Variants in PACRG observed in about 807,000 individuals in gnomAD.
PACRG encodes the protein parkin coregulated, also known as parkin coregulated gene protein.
Under a neutral mutation model 29.7 loss-of-function variants are expected in PACRG, and 29 were observed. That is an observed-to-expected ratio of 0.98 (90% CI 0.73 to 1.33). The LOEUF is 1.33. Ranked by LOEUF, PACRG falls within the 40% of genes most tolerant of loss-of-function variation. The probability of loss-of-function intolerance (pLI) is 0.00; values close to 1 mark genes in which losing one functional copy is unlikely to be tolerated. For missense variants in PACRG, 279 were observed against 316.2 expected (o/e 0.88, Z 0.89); for synonymous variants, 116 against 118.7 (o/e 0.98, Z 0.15).
At chr6:163,020,075 G>A (rs552646426) in intron 2 of PACRG, among the ~76,000 whole-genome samples, 1 of 152,312 alleles carries the variant, frequency 6.6e-6, no homozygotes, top group South Asian at 2.1e-4. Flanking sequence ...ATTACTCACA[G>A]ACAAGTTGCC....
chr6:163,069,190 G>A (rs1394612238), intron 3 of PACRG, among the ~76,000 whole-genome samples: 1 of 150,376 alleles, frequency 6.6e-6, no homozygotes, highest in African/African-American at 2.5e-5. Flanking sequence ...AAACAGGATA[G>A]CTATAAATAA....
chr6:162,735,188 T>A (rs1780071333), intron 1 of PACRG, among the ~76,000 whole-genome samples: 1 of 152,216 alleles, frequency 6.6e-6, no homozygotes, highest in African/African-American at 2.4e-5. Flanking sequence ...CTGTTACAAA[T>A]AGCACTGCTA....
chr6:163,301,610 G>A (rs920776200), intron 4 of PACRG, among the ~76,000 whole-genome samples: 10 of 152,150 alleles, frequency 6.6e-5, no homozygotes, highest in African/African-American at 2.2e-4. Flanking sequence ...GCTCCTTTGT[G>A]AGGTTGTAGA....
chr6:163,071,864 C>T (rs1223223985), intron 3 of PACRG, among the ~76,000 whole-genome samples: 5 of 151,496 alleles, frequency 3.3e-5, no homozygotes, highest in Non-Finnish European at 5.9e-5. Context: ...ACATAAAAAC[C>T]TACCTAGGTT....
intron 2 of PACRG, among the ~76,000 whole-genome samples, chr6:162,820,980 T>G (rs1325113578): frequency 6.6e-6 from 1 of 152,144 alleles, no homozygotes; most frequent in African/African-American, 2.4e-5. Context: ...AAAAAAATCC[T>G]CTGGCAATGA....
chr6:162,930,576 CTTTGT>C (rs558522421), intron 2 of PACRG, among the ~76,000 whole-genome samples: 92 of 151,826 alleles, frequency 6.1e-4, no homozygotes, highest in African/African-American at 2.1e-3. Flanking sequence ...TTTGGATGCC[CTTTGT>C]TTATTTCTCT....
At chr6:163,240,668 C>A (rs181184472) in intron 4 of PACRG, among the ~76,000 whole-genome samples, 1 of 152,298 alleles carries the variant, frequency 6.6e-6, no homozygotes. Flanking sequence ...TGGGCACATA[C>A]GCGGTGGGGC....
At position 163,194,834 on chromosome 6, in the gene PACRG, G is replaced by A. The variant is rs115320921; in HGVS notation, c.613+105426G>A. ...GGAGTGCAATGCCCCCCAACCCCAC[G>A]CCTGCTGTTCTTCCCTCTGCTCTTC... On this transcript the variant is annotated intron_variant, in intron 4 of 4. Transcript: ENST00000366888. 1.9e-3 allele frequency among the ~76,000 whole-genome samples: 295 copies of A among 151,956 alleles called. 1 individual carries two copies. Among genetic ancestry groups the A allele is most frequent in the African/African-American group, 6.8e-3 (280 of 41,454 alleles).
At chr6:163,174,658 CATT>C (rs1340967788) in intron 4 of PACRG, among the ~76,000 whole-genome samples, 1 of 152,168 alleles carries the variant, frequency 6.6e-6, no homozygotes, top group Non-Finnish European at 1.5e-5. Flanking sequence ...TGTCAATCAT[CATT>C]GTTGGGAAAC....
chr6:162,902,503 G>A (rs1795631681), intron 2 of PACRG, among the ~76,000 whole-genome samples: 1 of 152,066 alleles, frequency 6.6e-6, no homozygotes, highest in Non-Finnish European at 1.5e-5. Flanking sequence ...TTCCTGTCTA[G>A]TTCTAATTTA....
chr6:163,215,590 C>A (rs777857538), intron 4 of PACRG, among the ~76,000 whole-genome samples: 1 of 152,088 alleles, frequency 6.6e-6, no homozygotes, highest in Non-Finnish European at 1.5e-5. Flanking sequence ...GTAGAAACAG[C>A]CAATAAACAA....
chr6:163,056,043 A>C (rs2128253765), intron 2 of PACRG, among the ~76,000 whole-genome samples: 1 of 152,360 alleles, frequency 6.6e-6, no homozygotes, highest in Non-Finnish European at 1.5e-5. Context: ...GGAAAATGAA[A>C]ATCTAAACCA....
intron 2 of PACRG, among the ~76,000 whole-genome samples, chr6:162,987,312 G>T (rs1802988065): frequency 6.6e-6 from 1 of 152,146 alleles, no homozygotes; most frequent in Non-Finnish European, 1.5e-5. Context: ...ACTCTGTGGA[G>T]CTACCAGGCT....
intron 2 of PACRG, among the ~76,000 whole-genome samples, chr6:162,881,007 G>T (rs531296869): frequency 6.6e-6 from 1 of 152,164 alleles, no homozygotes; most frequent in South Asian, 2.1e-4. Flanking sequence ...AGATCGTCAC[G>T]ATCTTCTGTA....
At chr6:162,934,714 T>TCTGTA (rs1253315394) in intron 2 of PACRG, among the ~76,000 whole-genome samples, 5 of 152,214 alleles carry the variant, frequency 3.3e-5, no homozygotes, top group Non-Finnish European at 5.9e-5. Context: ...GTAGTGTTAA[T>TCTGTA]GTTTGGCTCC....
At chr6:163,049,755 A>C (rs766190812) in intron 2 of PACRG, among the ~76,000 whole-genome samples, 1 of 152,098 alleles carries the variant, frequency 6.6e-6, no homozygotes, top group African/African-American at 2.4e-5. Flanking sequence ...TTTAACTATA[A>C]TATTGTTAAA....
intron 4 of PACRG, among the ~76,000 whole-genome samples, chr6:163,169,856 G>T (rs1316415890): frequency 6.6e-6 from 1 of 152,216 alleles, no homozygotes. Context: ...CACAGTGCTG[G>T]AGGCCGGCAG....
At chr6:163,031,708 G>T (rs1325494478) in intron 2 of PACRG, among the ~76,000 whole-genome samples, 1 of 152,158 alleles carries the variant, frequency 6.6e-6, no homozygotes, top group African/African-American at 2.4e-5. Context: ...TCTTAGATAA[G>T]ACTTTTTTAA....
intron 4 of PACRG, among the ~76,000 whole-genome samples, chr6:163,153,516 G>C (rs1411824670): frequency 6.6e-6 from 1 of 152,204 alleles, no homozygotes; most frequent in African/African-American, 2.4e-5. Flanking sequence ...TTTTGTCATT[G>C]ATTCCTGTGT....
Sources: allele counts gnomAD v4.1 joint callset (sites outside exome capture counted in the v4.1 genomes callset), GRCh38; gene constraint gnomAD v4.1.1; transcripts MANE v1.5; gene names NCBI Gene and HGNC (gene_info 2026-07-23, HGNC 2026-07-21).